The following PDE4D variants were observed in gnomAD, a reference collection of about 807,000 sequenced individuals.
PDE4D encodes the protein phosphodiesterase 4D.
A neutral mutation model predicts 87.4 loss-of-function variants in PDE4D; 24 were observed. The observed-to-expected ratio is 0.27, with a 90% CI of 0.20 to 0.39. The LOEUF (loss-of-function observed/expected upper bound fraction) is 0.39. Ranked by LOEUF, PDE4D falls within the 10% of genes least tolerant of loss-of-function variation. The pLI, the probability that PDE4D is intolerant of heterozygous loss-of-function variation, is 1.00. For synonymous variants in PDE4D, 384 were observed against 383.2 expected, an observed-to-expected ratio of 1.00 and a Z score of -0.02; for missense variants, 714 against 1,041.0, an observed-to-expected ratio of 0.69 and a Z score of 4.32.
At chr5:59,521,313 T>A (rs1211900422) in intron 1 of PDE4D, among the ~76,000 whole-genome samples, 1 of 152,168 alleles carries the variant, frequency 6.6e-6, no homozygotes, top group Non-Finnish European at 1.5e-5. Context: ...TTGGCCCATC[T>A]TGCATAAAGC....
intron 2 of PDE4D, among the ~76,000 whole-genome samples, chr5:60,151,988 A>T (rs1350185167): frequency 2.0e-5 from 3 of 152,176 alleles, no homozygotes; most frequent in African/African-American, 7.2e-5. Context: ...TTTTATTAAG[A>T]TGCATCTATT....
At chr5:59,984,102 A>G (rs1165150532) in intron 3 of PDE4D, among the ~76,000 whole-genome samples, 1 of 152,246 alleles carries the variant, frequency 6.6e-6, no homozygotes, top group Non-Finnish European at 1.5e-5. Context: ...AATTCCATTT[A>G]TGTGAAGTCC....
chr5:60,091,774 C>T (rs935734474), intron 2 of PDE4D, among the ~76,000 whole-genome samples: 3 of 152,172 alleles, frequency 2.0e-5, no homozygotes, highest in Admixed American at 6.5e-5. Context: ...AAATGTGGGC[C>T]GGGCGCGGTG....
At chr5:59,220,377 CAAAAAAA>C (rs57610513) in intron 1 of PDE4D, among the ~76,000 whole-genome samples, 38 of 36,156 alleles carry the variant, frequency 1.1e-3, no homozygotes, top group East Asian at 5.5e-3. Context: ...GACTCTGTCT[CAAAAAAA>C]AAAAAAAAAA....
intron 1 of PDE4D, chr5:59,430,175 G>T: frequency 1.1e-6 from 1 of 906,372 alleles, no homozygotes; most frequent in Non-Finnish European, 1.4e-6. Flanking sequence ...CCAGTGTGTT[G>T]AATAAAAACT....
At chr5:60,210,945 C>A (rs973095510) in intron 1 of PDE4D, among the ~76,000 whole-genome samples, 1 of 152,102 alleles carries the variant, frequency 6.6e-6, no homozygotes, top group Admixed American at 6.5e-5. Flanking sequence ...TGCAAATGGC[C>A]CAAGCTGAGA....
chr5:59,784,993 G>A (rs1230187241), intron 1 of PDE4D, among the ~76,000 whole-genome samples: 9 of 152,110 alleles, frequency 5.9e-5, no homozygotes, highest in Non-Finnish European at 4.4e-5. Context: ...CCCCAGTCAC[G>A]TGGAACTGTA....
intron 5 of PDE4D, among the ~76,000 whole-genome samples, chr5:59,068,752 G>C (rs1268900225): frequency 6.6e-6 from 1 of 152,150 alleles, no homozygotes; most frequent in Non-Finnish European, 1.5e-5. Flanking sequence ...GTTTGGACTT[G>C]GGTTTCAAAT....
intron 1 of PDE4D, among the ~76,000 whole-genome samples, chr5:59,688,863 C>T (rs529744160): frequency 1.4e-4 from 22 of 152,014 alleles, no homozygotes; most frequent in African/African-American, 2.2e-4. Context: ...ATCAAATAGA[C>T]GCAATAAAAA....
At chr5:60,293,094 C>G (rs1381745557) in intron 1 of PDE4D, among the ~76,000 whole-genome samples, 4 of 149,650 alleles carry the variant, frequency 2.7e-5, no homozygotes, top group African/African-American at 9.9e-5. Context: ...AAACCTCTGC[C>G]CCCCCAAGTT....
chr5:59,623,231 T>C (rs1482700974), intron 1 of PDE4D, among the ~76,000 whole-genome samples: 1 of 152,186 alleles, frequency 6.6e-6, no homozygotes, highest in Non-Finnish European at 1.5e-5. Context: ...CCCTACCCTC[T>C]CACTTTCCTG....
chr5:59,348,707 G>C (rs1780012777), intron 1 of PDE4D, among the ~76,000 whole-genome samples: 1 of 144,718 alleles, frequency 6.9e-6, no homozygotes, highest in South Asian at 2.2e-4. Flanking sequence ...CATAATTACA[G>C]TAATATATAT....
intron 1 of PDE4D, among the ~76,000 whole-genome samples, chr5:59,892,659 G>A (rs1286145674): frequency 6.6e-6 from 1 of 152,076 alleles, no homozygotes; most frequent in Non-Finnish European, 1.5e-5. Flanking sequence ...CTGGGACCAG[G>A]CTTTCTCACT....
At position 58,988,606 on chromosome 5, in the gene PDE4D, C is replaced by A; in HGVS notation, c.1453-14G>T. On this transcript the variant is annotated splice_polypyrimidine_tract_variant and intron_variant, in intron 10 of 14. Transcript: ENST00000340635. ...TGTAAACACAGCCTGGAAAATCAGA[C>A]AATATAGATAATATTACTATTCTAC... 1.6e-6 allele frequency: 2 copies of A among 1,287,560 alleles called. No homozygotes were observed. Among genetic ancestry groups the A allele is most frequent in the South Asian group, 1.5e-5 (1 of 66,676 alleles). The allele number at this position is 1,287,560 out of a possible 1,614,324, so 79.8% of individuals were successfully genotyped here. A position where few individuals can be genotyped will look rare whatever the true frequency, so the allele number is the denominator to read the frequency against.
chr5:60,104,112 A>G (rs1237276246), intron 2 of PDE4D, among the ~76,000 whole-genome samples: 2 of 152,198 alleles, frequency 1.3e-5, no homozygotes, highest in African/African-American at 4.8e-5. Context: ...CTAGTCAAAG[A>G]AAGGGGTGAC....
chr5:59,649,028 C>T (rs981598000), intron 1 of PDE4D, among the ~76,000 whole-genome samples: 1 of 152,056 alleles, frequency 6.6e-6, no homozygotes, highest in Non-Finnish European at 1.5e-5. Flanking sequence ...ATAGGAAATC[C>T]CTGTCAGTAC....
intron 1 of PDE4D, among the ~76,000 whole-genome samples, chr5:59,613,613 A>G (rs1829277082): frequency 1.3e-5 from 2 of 152,142 alleles, no homozygotes; most frequent in South Asian, 4.1e-4. Flanking sequence ...AAAAGGGGGA[A>G]AGCCAGGGGA....
intron 1 of PDE4D, among the ~76,000 whole-genome samples, chr5:60,416,185 C>A (rs1742529317): frequency 6.6e-6 from 1 of 152,168 alleles, no homozygotes; most frequent in South Asian, 2.1e-4. Context: ...CACCAATCAG[C>A]ACACTGTCAA....
chr5:59,914,988 T>A (rs1332593445), intron 3 of PDE4D, among the ~76,000 whole-genome samples: 3 of 151,602 alleles, frequency 2.0e-5, no homozygotes, highest in Admixed American at 6.6e-5. Context: ...GTGCTTCTAT[T>A]GAGTGAAGTG....
Sources: gnomAD v4.1 joint callset for allele counts (sites outside exome capture counted in the v4.1 genomes callset) on GRCh38, gnomAD v4.1.1 for gene constraint, MANE v1.5 for transcripts, NCBI Gene and HGNC (gene_info 2026-07-23, HGNC 2026-07-21) for gene names.